TMEM132D: variants seen among roughly 807,000 people sequenced by gnomAD.
TMEM132D encodes the protein transmembrane protein 132D, also known as mature OL transmembrane protein.
In TMEM132D, 21 loss-of-function variants were observed where a neutral mutation model predicts 62.3. The ratio of observed to expected loss-of-function variants is 0.34; its 90% CI spans 0.24 to 0.49. The LOEUF (loss-of-function observed/expected upper bound fraction) is 0.49. Ranked by LOEUF, TMEM132D falls within the 20% of genes least tolerant of loss-of-function variation. The probability of loss-of-function intolerance (pLI) is 0.99; values close to 1 mark genes in which losing one functional copy is unlikely to be tolerated. For synonymous variants in TMEM132D, 621 were observed against 575.6 expected (o/e 1.08, Z -1.13); for missense variants, 1,346 against 1,402.8 (o/e 0.96, Z 0.65).
intron 3 of TMEM132D, among the ~76,000 whole-genome samples, chr12:129,494,603 G>A (rs1465808871): frequency 1.3e-5 from 2 of 152,030 alleles, no homozygotes; most frequent in African/African-American, 4.8e-5. Context: ...TTTGATCATT[G>A]GCATTGCCCC....
chr12:129,226,901 G>A (rs12371373), intron 4 of TMEM132D, among the ~76,000 whole-genome samples: 29,249 of 152,098 alleles, frequency 0.19, 2,993 homozygotes, highest in Non-Finnish European at 0.22. Context: ...TGGGAATAAG[G>A]TCTCCTTCAT....
chr12:129,859,400 CTCTTT>C (rs1161603207), intron 1 of TMEM132D, among the ~76,000 whole-genome samples: 2 of 152,216 alleles, frequency 1.3e-5, no homozygotes, highest in Non-Finnish European at 2.9e-5. Context: ...AGACAGTGTT[CTCTTT>C]TCTTTTCACT....
At chr12:129,410,415 A>C (rs1317541070) in intron 3 of TMEM132D, among the ~76,000 whole-genome samples, 6 of 152,222 alleles carry the variant, frequency 3.9e-5, no homozygotes, top group African/African-American at 1.4e-4. Flanking sequence ...GCTGGAGTGC[A>C]GTGGCACGAT....
In TMEM132D at chr12:129,071,878, G is replaced by A. The variant is rs1337226255; in HGVS notation, c.*1997C>T. On this transcript the variant is annotated 3_prime_UTR_variant, in exon 9 of 9. Coordinates refer to ENST00000422113, the MANE Select transcript of TMEM132D (RefSeq NM_133448.3). ...AACATGACACAGGTAAGAATGGAAA[G>A]AAATATGAGGACGTTACTGAAAGCA... is the stretch of plus-strand genomic sequence containing the variant. The A allele has an allele frequency of 6.6e-6, 1 of 152,214 alleles. No homozygotes were observed. The highest frequency in any genetic ancestry group is 2.4e-5 in the African/African-American group (1 of 41,450). The allele number at this position is 152,214 out of a possible 1,614,324, so 9.4% of individuals were successfully genotyped here.
intron 3 of TMEM132D, among the ~76,000 whole-genome samples, chr12:129,368,483 C>T (rs917408639): frequency 4.6e-5 from 7 of 152,132 alleles, no homozygotes; most frequent in East Asian, 3.9e-4. Context: ...CTTTTAGCAG[C>T]GAGTGAATGC....
At chr12:129,478,961 A>G (rs1346323532) in intron 3 of TMEM132D, among the ~76,000 whole-genome samples, 2 of 152,232 alleles carry the variant, frequency 1.3e-5, no homozygotes, top group Non-Finnish European at 2.9e-5. Context: ...GCATGAAGAT[A>G]TATTTGTGGA....
chr12:129,557,347 C>T (rs1215298140), intron 2 of TMEM132D, among the ~76,000 whole-genome samples: 1 of 152,114 alleles, frequency 6.6e-6, no homozygotes, highest in African/African-American at 2.4e-5. Context: ...ATGGTGACTG[C>T]CAGGGTGTGG....
At chr12:129,152,272 G>C (rs1877096254) in intron 5 of TMEM132D, among the ~76,000 whole-genome samples, 2 of 152,190 alleles carry the variant, frequency 1.3e-5, no homozygotes, top group Non-Finnish European at 2.9e-5. Flanking sequence ...CTGGGTAATG[G>C]GGGTGTTGTC....
intron 2 of TMEM132D, among the ~76,000 whole-genome samples, chr12:129,650,327 A>G (rs1200278906): frequency 6.6e-6 from 1 of 152,230 alleles, no homozygotes; most frequent in Non-Finnish European, 1.5e-5. Flanking sequence ...TACATATGGA[A>G]TGAATATTGC....
intron 1 of TMEM132D, among the ~76,000 whole-genome samples, chr12:129,731,249 G>A (rs932391902): frequency 2.0e-5 from 3 of 152,042 alleles, no homozygotes; most frequent in Non-Finnish European, 4.4e-5. Context: ...TATCTTATGT[G>A]CCAGACTCAG....
intron 2 of TMEM132D, among the ~76,000 whole-genome samples, chr12:129,662,717 T>A (rs1880271442): frequency 7.4e-6 from 1 of 135,822 alleles, no homozygotes. Context: ...CGCTTGAACC[T>A]GGGAGACGGA....
At chr12:129,592,808 T>C (rs2137136226) in intron 2 of TMEM132D, among the ~76,000 whole-genome samples, 1 of 152,330 alleles carries the variant, frequency 6.6e-6, no homozygotes, top group East Asian at 1.9e-4. Context: ...AAAGTGGGTC[T>C]CAGAAAGAAG....
intron 3 of TMEM132D, among the ~76,000 whole-genome samples, chr12:129,389,004 G>A (rs142046469): frequency 0.096 from 6,887 of 71,696 alleles, 663 homozygotes; most frequent in African/African-American, 0.22. Flanking sequence ...CAGCAACACC[G>A]ATACTAACAC....
At chr12:129,235,830 G>T (rs1309127065) in intron 4 of TMEM132D, among the ~76,000 whole-genome samples, 3 of 151,672 alleles carry the variant, frequency 2.0e-5, no homozygotes, top group Admixed American at 6.6e-5. Flanking sequence ...GGCTATTTGG[G>T]GTCTTTTGTG....
intron 1 of TMEM132D, among the ~76,000 whole-genome samples, chr12:129,817,446 C>A (rs1872379016): frequency 7.4e-6 from 1 of 136,044 alleles, no homozygotes; most frequent in Admixed American, 7.6e-5. Flanking sequence ...GACTCTGGGG[C>A]ACCAACCGCT....
At chr12:129,290,225 T>C (rs969985480) in intron 4 of TMEM132D, among the ~76,000 whole-genome samples, 1 of 152,106 alleles carries the variant, frequency 6.6e-6, no homozygotes, top group Non-Finnish European at 1.5e-5. Flanking sequence ...CCTTCCAGGT[T>C]AATCCTGGAA....
intron 2 of TMEM132D, 65 bp downstream of exon 2, chr12:129,699,745 A>T (rs2137224897): frequency 6.4e-7 from 1 of 1,572,678 alleles, no homozygotes; most frequent in Non-Finnish European, 8.6e-7. Context: ...TTCTGGTCAA[A>T]CAGCTTCTGG....
chr12:129,282,288 C>T (rs964017939), intron 4 of TMEM132D, among the ~76,000 whole-genome samples: 5 of 152,138 alleles, frequency 3.3e-5, no homozygotes, highest in African/African-American at 9.7e-5. Context: ...GAGCTTATCC[C>T]TCCCCCTAGT....
At position 129,225,561 on chromosome 12, in the gene TMEM132D, T is replaced by C. The variant is rs1164460452; in HGVS notation, c.1300-15898A>G. Among the ~76,000 whole-genome samples the C allele has an allele frequency of 3.3e-5, 5 of 152,240 alleles. No individual in the cohort carries two copies. In the East Asian group the frequency reaches 5.8e-4, roughly 18 times the overall value. On this transcript the variant is annotated intron_variant, in intron 4 of 8. Coordinates refer to ENST00000422113, the MANE Select transcript of TMEM132D (RefSeq NM_133448.3). ...TGAAACTCTCTGCAGCTCATTTTTCTTATCTGAAAAACAAGGTTCCAAGTA... is the reference window on the plus strand; with the variant it reads ...TGAAACTCTCTGCAGCTCATTTTTCCTATCTGAAAAACAAGGTTCCAAGTA...
Sources: gnomAD v4.1 joint callset for allele counts (sites outside exome capture counted in the v4.1 genomes callset) on GRCh38, gnomAD v4.1.1 for gene constraint, MANE v1.5 for transcripts, NCBI Gene and HGNC (gene_info 2026-07-23, HGNC 2026-07-21) for gene names.